The following GRM5 variants were observed in gnomAD, a reference collection of about 807,000 sequenced individuals.
GRM5 encodes the protein glutamate metabotropic receptor 5.
In GRM5, 19 loss-of-function variants were observed where a neutral mutation model predicts 83.1. The observed-to-expected ratio is 0.23, with a 90% confidence interval of 0.16 to 0.34. GRM5 has a LOEUF of 0.34. Ranked by LOEUF, GRM5 falls within the 10% of genes least tolerant of loss-of-function variation. The probability of loss-of-function intolerance (pLI) is 1.00; values close to 1 mark genes in which losing one functional copy is unlikely to be tolerated. For synonymous variants in GRM5, 675 were observed against 633.6 expected (o/e 1.07, Z -0.98); for missense variants, 1,160 against 1,588.3 (o/e 0.73, Z 4.58).
intron 3 of GRM5, among the ~76,000 whole-genome samples, chr11:88,733,005 C>A (rs1308104405): frequency 6.6e-6 from 1 of 151,992 alleles, no homozygotes; most frequent in East Asian, 1.9e-4. Flanking sequence ...TATTATAGCA[C>A]AATCTATTGA....
At chr11:88,756,079 A>G (rs1006809183) in intron 3 of GRM5, among the ~76,000 whole-genome samples, 1 of 152,110 alleles carries the variant, frequency 6.6e-6, no homozygotes, top group East Asian at 1.9e-4. Flanking sequence ...CATTCTACCC[A>G]TCTAGGGATT....
intron 2 of GRM5, among the ~76,000 whole-genome samples, chr11:88,911,009 C>G (rs1945488201): frequency 6.6e-6 from 1 of 151,998 alleles, no homozygotes; most frequent in Admixed American, 6.6e-5. Flanking sequence ...TTGAAATGCT[C>G]TAAAATAACA....
intron 2 of GRM5, among the ~76,000 whole-genome samples, chr11:88,895,159 A>T (rs1417856261): frequency 6.6e-6 from 1 of 151,968 alleles, no homozygotes; most frequent in Non-Finnish European, 1.5e-5. Context: ...AAAATAACTA[A>T]AAAAGTAAAC....
chr11:88,999,747 C>T (rs551044026), intron 2 of GRM5, among the ~76,000 whole-genome samples: 26 of 152,212 alleles, frequency 1.7e-4, no homozygotes, highest in South Asian at 6.2e-4. Context: ...GGTATATACC[C>T]GAAGGATCAT....
At chr11:88,799,566 A>C (rs990126578) in intron 3 of GRM5, among the ~76,000 whole-genome samples, 1 of 152,130 alleles carries the variant, frequency 6.6e-6, no homozygotes, top group Non-Finnish European at 1.5e-5. Context: ...TGAAATAAAT[A>C]ATACAAAGAA....
chr11:88,532,012 T>C (rs915764090), intron 8 of GRM5, among the ~76,000 whole-genome samples: 1 of 152,076 alleles, frequency 6.6e-6, no homozygotes, highest in South Asian at 2.1e-4. Flanking sequence ...AGTATACCTA[T>C]TTTACTTCAT....
At chr11:88,954,184 C>A (rs1277207930) in intron 2 of GRM5, among the ~76,000 whole-genome samples, 3 of 152,174 alleles carry the variant, frequency 2.0e-5, no homozygotes, top group African/African-American at 7.2e-5. Flanking sequence ...GTTGGGAAAG[C>A]ACAATACCAG....
At chr11:88,930,097 T>C (rs1024707957) in intron 2 of GRM5, among the ~76,000 whole-genome samples, 2 of 152,020 alleles carry the variant, frequency 1.3e-5, no homozygotes, top group Non-Finnish European at 2.9e-5. Context: ...GCATCTGTCT[T>C]AATGTAAGTA....
intron 2 of GRM5, among the ~76,000 whole-genome samples, chr11:88,926,084 A>G (rs191891929): frequency 2.1e-3 from 317 of 152,272 alleles, no homozygotes; most frequent in Non-Finnish European, 3.9e-3. Context: ...TTGACCAGCT[A>G]TTATATGCAC....
chr11:88,618,617 A>C (rs1321238898), intron 4 of GRM5, among the ~76,000 whole-genome samples: 2 of 152,096 alleles, frequency 1.3e-5, no homozygotes, highest in Non-Finnish European at 2.9e-5. Context: ...AAAAAAAAAA[A>C]ACGATTCAAC....
chr11:88,577,539 C>A (rs1033522985), intron 7 of GRM5, among the ~76,000 whole-genome samples: 2 of 152,050 alleles, frequency 1.3e-5, no homozygotes, highest in Non-Finnish European at 1.5e-5. Flanking sequence ...ATGTATTGAC[C>A]AAATGCTCAG....
At chr11:88,511,661 A>T (rs1299117244) in intron 9 of GRM5, 1 of 152,198 alleles carries the variant, frequency 6.6e-6, no homozygotes, top group Non-Finnish European at 1.5e-5. Flanking sequence ...GGCACTGCCA[A>T]ACAGTTGGTG....
At chr11:88,598,107 T>C (rs946054708) in intron 5 of GRM5, among the ~76,000 whole-genome samples, 1 of 152,136 alleles carries the variant, frequency 6.6e-6, no homozygotes, top group Non-Finnish European at 1.5e-5. Flanking sequence ...GGATAAGCAA[T>C]ATCACCATTA....
At chr11:88,901,229 G>A (rs1293074186) in intron 2 of GRM5, among the ~76,000 whole-genome samples, 1 of 151,852 alleles carries the variant, frequency 6.6e-6, no homozygotes, top group Admixed American at 6.6e-5. Flanking sequence ...AATGGTTTGG[G>A]GTGGATAATA....
chr11:88,518,306 A>T (rs1941581027), intron 9 of GRM5, among the ~76,000 whole-genome samples: 1 of 152,008 alleles, frequency 6.6e-6, no homozygotes, highest in Non-Finnish European at 1.5e-5. Context: ...GTCACCAAAC[A>T]TTAGTTAATC....
intron 8 of GRM5, among the ~76,000 whole-genome samples, chr11:88,545,121 A>AT (rs1485402549): frequency 1.3e-5 from 2 of 152,140 alleles, no homozygotes; most frequent in Non-Finnish European, 2.9e-5. Flanking sequence ...AACTGGAACT[A>AT]TTGACTACTT....
chr11:88,957,857 T>A (rs2135688718), intron 2 of GRM5, among the ~76,000 whole-genome samples: 1 of 152,232 alleles, frequency 6.6e-6, no homozygotes, highest in East Asian at 1.9e-4. Context: ...GTATCCAAAT[T>A]TATCCCACAA....
intron 3 of GRM5, among the ~76,000 whole-genome samples, chr11:88,702,329 C>G (rs1485379027): frequency 6.6e-6 from 1 of 152,056 alleles, no homozygotes; most frequent in African/African-American, 2.4e-5. Flanking sequence ...GGTTATCCAG[C>G]TCAAGAGTTT....
chr11:88,599,838 C>A (rs897171212), intron 5 of GRM5, among the ~76,000 whole-genome samples: 10 of 151,972 alleles, frequency 6.6e-5, no homozygotes, highest in Admixed American at 2.0e-4. Context: ...ATGGTGAAAC[C>A]CCGTCTCTAC....
Sources: allele counts gnomAD v4.1 joint callset (sites outside exome capture counted in the v4.1 genomes callset), GRCh38; gene constraint gnomAD v4.1.1; transcripts MANE v1.5; gene names NCBI Gene and HGNC (gene_info 2026-07-23, HGNC 2026-07-21).